PTPRD: variants seen among roughly 807,000 people sequenced by gnomAD.
PTPRD encodes the protein receptor-type tyrosine-protein phosphatase delta.
Under a neutral mutation model 214.5 loss-of-function variants are expected in PTPRD, and 34 were observed. The ratio of observed to expected loss-of-function variants is 0.16; its 90% confidence interval spans 0.12 to 0.21. The LOEUF is 0.21. PTPRD is among the 10% of genes least tolerant of loss of function. The pLI is 1.00. For missense variants in PTPRD, 2,545 were observed against 2,398.7 expected, an observed-to-expected ratio of 1.06 and a Z score of -1.27; for synonymous variants, 1,128 against 845.7, an observed-to-expected ratio of 1.33 and a Z score of -5.79.
intron 9 of PTPRD, among the ~76,000 whole-genome samples, chr9:9,241,113 G>T (rs572187431): frequency 6.6e-6 from 1 of 152,088 alleles, no homozygotes; most frequent in African/African-American, 2.4e-5. Context: ...GAATTAATTC[G>T]TGGGTCTAAA....
chr9:9,304,591 G>C (rs1340965369), intron 9 of PTPRD, among the ~76,000 whole-genome samples: 1 of 151,916 alleles, frequency 6.6e-6, no homozygotes, highest in Admixed American at 6.6e-5. Flanking sequence ...TGATAATAAA[G>C]TAGCAAACTA....
chr9:9,090,847 T>A, intron 10 of PTPRD: 1 of 797,862 alleles, frequency 1.3e-6, no homozygotes, highest in African/African-American at 1.7e-5. Flanking sequence ...TTGACAATGA[T>A]GACAGGTTAA....
intron 10 of PTPRD, among the ~76,000 whole-genome samples, chr9:9,152,620 C>T (rs1036207302): frequency 6.6e-6 from 1 of 152,124 alleles, no homozygotes; most frequent in African/African-American, 2.4e-5. Flanking sequence ...TAAATGGTGC[C>T]AAATGAATTG....
At chr9:10,375,702 T>C (rs910531598) in intron 2 of PTPRD, among the ~76,000 whole-genome samples, 2 of 151,974 alleles carry the variant, frequency 1.3e-5, no homozygotes, top group African/African-American at 4.8e-5. Flanking sequence ...TACTTTCCCT[T>C]TGAGGAGAAG....
chr9:9,461,040 C>T (rs190631770), intron 8 of PTPRD, among the ~76,000 whole-genome samples: 240 of 151,898 alleles, frequency 1.6e-3, no homozygotes, highest in African/African-American at 5.5e-3. Flanking sequence ...GATGGAACTG[C>T]GGGCCATTAT....
At chr9:9,559,483 C>A (rs1452834901) in intron 8 of PTPRD, among the ~76,000 whole-genome samples, 4 of 152,244 alleles carry the variant, frequency 2.6e-5, no homozygotes, top group Non-Finnish European at 5.9e-5. Context: ...TTTTAATAGG[C>A]ACCCCTGGTT....
At chr9:9,250,737 A>G (rs2099975133) in intron 9 of PTPRD, among the ~76,000 whole-genome samples, 1 of 152,112 alleles carries the variant, frequency 6.6e-6, no homozygotes, top group Non-Finnish European at 1.5e-5. Context: ...ATGAAACAGC[A>G]AAAACCAAAC....
At chr9:9,983,970 T>C (rs2095625885) in intron 4 of PTPRD, among the ~76,000 whole-genome samples, 2 of 152,172 alleles carry the variant, frequency 1.3e-5, no homozygotes, top group South Asian at 4.1e-4. Context: ...TTAGTATGCC[T>C]ATTCCTTTGT....
At chr9:9,333,504 T>TATATA (rs1555249397) in intron 9 of PTPRD, among the ~76,000 whole-genome samples, 1 of 137,230 alleles carries the variant, frequency 7.3e-6, no homozygotes, top group African/African-American at 2.9e-5. Context: ...ATATAGTATA[T>TATATA]TATATATATA....
At chr9:10,282,236 C>G (rs1171413073) in intron 3 of PTPRD, among the ~76,000 whole-genome samples, 1 of 152,096 alleles carries the variant, frequency 6.6e-6, no homozygotes. Flanking sequence ...TAACAATAAC[C>G]TTATAGGATT....
chr9:9,950,723 A>C (rs1228232605), intron 4 of PTPRD, among the ~76,000 whole-genome samples: 1 of 19,392 alleles, frequency 5.2e-5, no homozygotes, highest in South Asian at 1.7e-3. Flanking sequence ...ACTCCGTCTC[A>C]AAAAAAAAAA....
At chr9:10,149,385 GA>G (rs773837475) in intron 3 of PTPRD, among the ~76,000 whole-genome samples, 3 of 152,300 alleles carry the variant, frequency 2.0e-5, no homozygotes, top group Non-Finnish European at 4.4e-5. Flanking sequence ...TTTAAAACTT[GA>G]TGATTTTATG....
chr9:8,547,983 C>T (rs868850152), intron 14 of PTPRD, among the ~76,000 whole-genome samples: 1 of 152,092 alleles, frequency 6.6e-6, no homozygotes, highest in Non-Finnish European at 1.5e-5. Context: ...AAAGTTGTAC[C>T]ATGTAAGGTG....
chr9:10,367,763 C>CA (rs1282277857), intron 2 of PTPRD, among the ~76,000 whole-genome samples: 1 of 151,950 alleles, frequency 6.6e-6, no homozygotes, highest in Non-Finnish European at 1.5e-5. Context: ...TATTTTATGT[C>CA]AAGAAAGGCA....
intron 33 of PTPRD, among the ~76,000 whole-genome samples, chr9:8,459,021 T>G (rs1213344737): frequency 6.6e-6 from 1 of 152,074 alleles, no homozygotes; most frequent in East Asian, 1.9e-4. Flanking sequence ...TGGAATAAAA[T>G]GAAATGGAGC....
intron 4 of PTPRD, among the ~76,000 whole-genome samples, chr9:9,990,998 G>C (rs578007048): frequency 1.3e-5 from 2 of 149,934 alleles, no homozygotes; most frequent in African/African-American, 4.9e-5. Flanking sequence ...GCAGTGGCGT[G>C]ATCTCGGCTC....
chr9:9,325,433 A>T (rs929734600), intron 9 of PTPRD, among the ~76,000 whole-genome samples: 2 of 151,916 alleles, frequency 1.3e-5, no homozygotes, highest in Non-Finnish European at 2.9e-5. Flanking sequence ...GATTCCTAAG[A>T]ATTTTATTCC....
intron 35 of PTPRD, among the ~76,000 whole-genome samples, chr9:8,417,828 GA>G (rs2094053886): frequency 6.6e-6 from 1 of 152,100 alleles, no homozygotes; most frequent in Non-Finnish European, 1.5e-5. Context: ...TGTGTCCAAA[GA>G]AAAAGCTGAA....
At chr9:10,097,035 A>G (rs1444433075) in intron 3 of PTPRD, among the ~76,000 whole-genome samples, 1 of 151,808 alleles carries the variant, frequency 6.6e-6, no homozygotes, top group Non-Finnish European at 1.5e-5. Flanking sequence ...TTTGTCAAAG[A>G]TCAGATAGTT....
Sources: allele counts gnomAD v4.1 joint callset (sites outside exome capture counted in the v4.1 genomes callset), GRCh38; gene constraint gnomAD v4.1.1; transcripts MANE v1.5; gene names NCBI Gene and HGNC (gene_info 2026-07-23, HGNC 2026-07-21).